RIMS2: variants seen among roughly 807,000 people sequenced by gnomAD.
The protein encoded by RIMS2 is regulating synaptic membrane exocytosis protein 2.
RIMS2 carries 59 observed loss-of-function variants against 174.4 expected under a neutral mutation model. That is an observed-to-expected ratio of 0.34 (90% confidence interval 0.27 to 0.42). RIMS2 has a LOEUF of 0.42. Among genes scored for constraint, RIMS2 ranks in the 10% least tolerant of loss-of-function variants. RIMS2 has a pLI of 1.00. For missense variants in RIMS2, 1,620 were observed against 1,666.3 expected (o/e 0.97, Z 0.48); for synonymous variants, 606 against 572.5 (o/e 1.06, Z -0.84).
intron 1 of RIMS2, among the ~76,000 whole-genome samples, chr8:103,629,235 A>C (rs186893650): frequency 1.3e-3 from 197 of 152,354 alleles, no homozygotes; most frequent in African/African-American, 4.4e-3. Context: ...CCTCTCAATT[A>C]GAGAGCTGAA....
chr8:103,983,195 G>T (rs1368537386), intron 16 of RIMS2, among the ~76,000 whole-genome samples: 1 of 152,142 alleles, frequency 6.6e-6, no homozygotes, highest in African/African-American at 2.4e-5. Context: ...CCAAAGAAAT[G>T]AAAGATCTCT....
intron 1 of RIMS2, among the ~76,000 whole-genome samples, chr8:103,616,326 A>G (rs759342995): frequency 2.0e-5 from 3 of 152,234 alleles, no homozygotes; most frequent in Admixed American, 2.0e-4. Flanking sequence ...ACATTTTTTC[A>G]TGTTACAAAC....
At chr8:103,750,881 C>T (rs1034475994) in intron 2 of RIMS2, among the ~76,000 whole-genome samples, 1 of 152,110 alleles carries the variant, frequency 6.6e-6, no homozygotes, top group African/African-American at 2.4e-5. Context: ...TTGGCTATGT[C>T]CCCAACCAAA....
chr8:103,727,114 G>T (rs2138700399), intron 2 of RIMS2, among the ~76,000 whole-genome samples: 1 of 151,912 alleles, frequency 6.6e-6, no homozygotes, highest in African/African-American at 2.4e-5. Flanking sequence ...TATATAGAAA[G>T]GATATAGATT....
chr8:103,976,435 A>T (rs1412398099), intron 16 of RIMS2: 4 of 152,220 alleles, frequency 2.6e-5, no homozygotes, highest in Non-Finnish European at 5.9e-5. Flanking sequence ...ATACTCATGA[A>T]TGATATAGAT....
Position 103,667,917 on chromosome 8 carries a change from T to G in RIMS2, c.177-29169T>G, listed in dbSNP as rs188128343. The stretch of plus-strand genomic sequence containing the variant: ...ACAGTCCCACAGTTTTGTTGCAGTG[T>G]GGGTGGCAGGGGCAGTCTTTCCTTG... On this transcript the variant is annotated intron_variant, in intron 1 of 23. Transcript: ENST00000504942. 9.8e-3 allele frequency among the ~76,000 whole-genome samples: 1,496 copies of G among 152,306 alleles called. 9 individuals carry two copies. The highest frequency in any genetic ancestry group is 0.016 in the Non-Finnish European group (1,087 of 68,024).
At chr8:104,235,627 A>T (rs1002033286) in intron 19 of RIMS2, among the ~76,000 whole-genome samples, 3 of 152,068 alleles carry the variant, frequency 2.0e-5, no homozygotes, top group Admixed American at 2.0e-4. Flanking sequence ...TATTGACTTT[A>T]TCTTTTCTCT....
chr8:103,996,789 A>T (rs957009492), intron 17 of RIMS2, among the ~76,000 whole-genome samples: 2 of 151,902 alleles, frequency 1.3e-5, no homozygotes, highest in Admixed American at 1.3e-4. Context: ...GGAATAGTAG[A>T]ACCTACCTCA....
At chr8:104,228,582 A>G (rs2099204530) in intron 19 of RIMS2, among the ~76,000 whole-genome samples, 1 of 152,214 alleles carries the variant, frequency 6.6e-6, no homozygotes, top group African/African-American at 2.4e-5. Context: ...AATTAACAGT[A>G]TATAGTTCCA....
At chr8:104,234,847 A>G (rs957759196) in intron 19 of RIMS2, among the ~76,000 whole-genome samples, 1 of 152,160 alleles carries the variant, frequency 6.6e-6, no homozygotes, top group African/African-American at 2.4e-5. Flanking sequence ...ACAAGAGGTC[A>G]AGATCCTTTT....
intron 17 of RIMS2, among the ~76,000 whole-genome samples, 166 bp downstream of exon 19, chr8:103,989,587 G>C (rs536073861): frequency 1.3e-3 from 199 of 152,018 alleles, no homozygotes; most frequent in Non-Finnish European, 1.8e-3. Context: ...ATTGTTAAAG[G>C]TAAATAAATA....
intron 19 of RIMS2, among the ~76,000 whole-genome samples, chr8:104,039,711 A>G (rs1468400274): frequency 6.6e-6 from 1 of 151,712 alleles, no homozygotes; most frequent in Non-Finnish European, 1.5e-5. Flanking sequence ...GCAACATACG[A>G]AAGTCGGCAT....
chr8:103,774,525 T>G (rs1344586905), intron 3 of RIMS2, among the ~76,000 whole-genome samples: 1 of 152,176 alleles, frequency 6.6e-6, no homozygotes, highest in Non-Finnish European at 1.5e-5. Flanking sequence ...ACTATTTACA[T>G]GCACAAAAAC....
chr8:103,753,479 T>A (rs1257298361), intron 2 of RIMS2, among the ~76,000 whole-genome samples: 1 of 152,194 alleles, frequency 6.6e-6, no homozygotes, highest in Non-Finnish European at 1.5e-5. Context: ...ATTCCCTCTT[T>A]TTCTATTGAT....
intron 1 of RIMS2, among the ~76,000 whole-genome samples, chr8:103,537,954 A>G (rs751876128): frequency 6.6e-6 from 1 of 152,138 alleles, no homozygotes; most frequent in African/African-American, 2.4e-5. Flanking sequence ...AAAAAAGATA[A>G]CTTTCTGAAT....
chr8:104,254,426 C>G (rs2099365321), downstream of RIMS2: 1 of 152,134 alleles, frequency 6.6e-6, no homozygotes, highest in Non-Finnish European at 1.5e-5. Flanking sequence ...ATTTTCTTTA[C>G]AGGCGTCTGC....
At chr8:103,862,653 G>A (rs2099064847) in intron 3 of RIMS2, among the ~76,000 whole-genome samples, 1 of 151,986 alleles carries the variant, frequency 6.6e-6, no homozygotes, top group South Asian at 2.1e-4. Flanking sequence ...TTTTATCAGT[G>A]TTTTGTAGTT....
At chr8:103,816,518 A>T (rs1221816329) in intron 3 of RIMS2, among the ~76,000 whole-genome samples, 2 of 152,248 alleles carry the variant, frequency 1.3e-5, no homozygotes, top group South Asian at 2.1e-4. Flanking sequence ...ATGGTCACAT[A>T]TATCAAATGT....
At position 103,889,522 on chromosome 8, in the gene RIMS2, AT is replaced by A. The variant is rs555295372; in HGVS notation, c.1624+3307del. 8.5e-3 allele frequency among the ~76,000 whole-genome samples: 1,283 copies of A among 151,722 alleles called. 8 individuals carry two copies. Among genetic ancestry groups the A allele is most frequent in the Non-Finnish European group, 0.012 (833 of 67,760 alleles). Reference sequence around the variant, plus strand: ...CAGGGAACATTATCATTGCAGAATAATTTTTTTTCGAGGTCCTAGTACATCA... The same window carrying A: ...CAGGGAACATTATCATTGCAGAATAATTTTTTTCGAGGTCCTAGTACATCA... On this transcript the variant is annotated intron_variant, in intron 4 of 23. Transcript: ENST00000504942.
Sources: allele counts gnomAD v4.1 joint callset (sites outside exome capture counted in the v4.1 genomes callset), GRCh38; gene constraint gnomAD v4.1.1; transcripts MANE v1.5; gene names NCBI Gene and HGNC (gene_info 2026-07-23, HGNC 2026-07-21).